The following RBFOX1 variants were observed in gnomAD, a reference collection of about 807,000 sequenced individuals.
RBFOX1 encodes RNA binding protein fox-1 homolog 1.
Under a neutral mutation model 57.7 loss-of-function variants are expected in RBFOX1, and 8 were observed. The observed-to-expected ratio is 0.14, with a 90% confidence interval of 0.08 to 0.25. RBFOX1 has a LOEUF of 0.25. Among genes scored for constraint, RBFOX1 ranks in the 10% least tolerant of loss-of-function variants. The pLI, the probability that RBFOX1 is intolerant of heterozygous loss-of-function variation, is 1.00. For missense variants in RBFOX1, 611 were observed against 548.5 expected, an observed-to-expected ratio of 1.11 and a Z score of -1.14; for synonymous variants, 326 against 222.4, an observed-to-expected ratio of 1.47 and a Z score of -4.15.
chr16:6,295,233 C>T (rs1016982822), intron 1 of RBFOX1, among the ~76,000 whole-genome samples: 2 of 151,462 alleles, frequency 1.3e-5, no homozygotes, highest in Admixed American at 6.6e-5. Flanking sequence ...AAGTGATTGT[C>T]GTGCCTCAGC....
chr16:5,293,588 G>T (rs1212245080), intron 1 of RBFOX1, among the ~76,000 whole-genome samples: 1 of 152,136 alleles, frequency 6.6e-6, no homozygotes, highest in Non-Finnish European at 1.5e-5. Context: ...CCATTGTATG[G>T]ATATAGCACA....
At chr16:7,417,110 C>CTG (rs2098485537) in intron 4 of RBFOX1, among the ~76,000 whole-genome samples, 1 of 151,974 alleles carries the variant, frequency 6.6e-6, no homozygotes, top group African/African-American at 2.4e-5. Context: ...TGGCTCACAC[C>CTG]TGTAATCCCA....
In RBFOX1 at chr16:5,671,571, C is replaced by G. The variant is rs144453386; in HGVS notation, c.318+72610C>G. ...TGGGTGTTATGAAATTCAAAACTGCCAAGTTTCTGGAGCATTTAGTGGTAA... is the reference window on the plus strand; with the variant it reads ...TGGGTGTTATGAAATTCAAAACTGCGAAGTTTCTGGAGCATTTAGTGGTAA... On this transcript the variant is annotated intron_variant, in intron 3 of 19. Transcript: ENST00000641259. Among the ~76,000 whole-genome samples the G allele has an allele frequency of 1.3e-4, 20 of 152,188 alleles. No homozygotes were observed. The East Asian group carries it at 3.9e-3, about 29-fold the overall frequency.
intron 3 of RBFOX1, among the ~76,000 whole-genome samples, chr16:6,716,197 T>C (rs1323341552): frequency 2.6e-5 from 4 of 152,232 alleles, no homozygotes; most frequent in East Asian, 1.9e-4. Flanking sequence ...TTTCTAATAA[T>C]GTTGTTTACA....
chr16:6,055,745 A>T (rs2095607366), intron 1 of RBFOX1, among the ~76,000 whole-genome samples: 1 of 152,178 alleles, frequency 6.6e-6, no homozygotes, highest in South Asian at 2.1e-4. Flanking sequence ...ACCCAGCACA[A>T]AGCTGGAGCA....
chr16:7,596,983 C>G (rs539105323), intron 8 of RBFOX1, among the ~76,000 whole-genome samples: 41 of 152,146 alleles, frequency 2.7e-4, no homozygotes, highest in Non-Finnish European at 7.4e-5. Flanking sequence ...TGTCTCTTCT[C>G]TCTTCTCCAC....
At chr16:6,921,920 G>A (rs1354519259) in intron 3 of RBFOX1, among the ~76,000 whole-genome samples, 1 of 151,990 alleles carries the variant, frequency 6.6e-6, no homozygotes, top group Non-Finnish European at 1.5e-5. Flanking sequence ...AGGAAGTCAG[G>A]GATCATTGGC....
intron 2 of RBFOX1, among the ~76,000 whole-genome samples, chr16:5,528,191 C>T (rs915130722): frequency 2.6e-5 from 4 of 152,124 alleles, no homozygotes; most frequent in Non-Finnish European, 4.4e-5. Flanking sequence ...GAGACATTCC[C>T]GTGAGCTTCC....
chr16:5,422,067 C>G (rs2067345789), intron 1 of RBFOX1, among the ~76,000 whole-genome samples: 1 of 152,282 alleles, frequency 6.6e-6, no homozygotes, highest in Non-Finnish European at 1.5e-5. Flanking sequence ...ATAACAAAAA[C>G]CTGTTGACTC....
intron 3 of RBFOX1, among the ~76,000 whole-genome samples, chr16:5,836,589 A>AATCTC (rs1182273153): frequency 6.6e-6 from 1 of 152,016 alleles, no homozygotes; most frequent in Non-Finnish European, 1.5e-5. Context: ...GCACATCTCA[A>AATCTC]ATCTCCATCT....
intron 1 of RBFOX1, among the ~76,000 whole-genome samples, chr16:5,436,875 T>C (rs2067933784): frequency 6.6e-6 from 1 of 152,218 alleles, no homozygotes; most frequent in Non-Finnish European, 1.5e-5. Context: ...CTTAAATTTT[T>C]GCCTTGAATA....
At chr16:6,144,265 A>G (rs2096741206) in intron 1 of RBFOX1, among the ~76,000 whole-genome samples, 1 of 152,180 alleles carries the variant, frequency 6.6e-6, no homozygotes, top group Non-Finnish European at 1.5e-5. Flanking sequence ...ATGATAATTT[A>G]TTAGGCATAT....
At chr16:6,880,004 T>C (rs891536928) in intron 3 of RBFOX1, among the ~76,000 whole-genome samples, 1 of 152,198 alleles carries the variant, frequency 6.6e-6, no homozygotes, top group Non-Finnish European at 1.5e-5. Context: ...ATAGTCTTAA[T>C]CTTTCATACT....
At chr16:7,070,979 G>A (rs1313494769) in intron 4 of RBFOX1, among the ~76,000 whole-genome samples, 1 of 152,138 alleles carries the variant, frequency 6.6e-6, no homozygotes, top group Non-Finnish European at 1.5e-5. Flanking sequence ...TTTGCCCAGA[G>A]TGGCATGTTG....
At chr16:7,694,735 A>G (rs1018861679) in intron 14 of RBFOX1, among the ~76,000 whole-genome samples, 2 of 152,178 alleles carry the variant, frequency 1.3e-5, no homozygotes, top group African/African-American at 4.8e-5. Flanking sequence ...TGTTCCTGCA[A>G]TACAAAAGTT....
intron 3 of RBFOX1, among the ~76,000 whole-genome samples, chr16:6,921,932 G>C (rs1597299467): frequency 6.6e-6 from 1 of 152,098 alleles, no homozygotes; most frequent in African/African-American, 2.4e-5. Flanking sequence ...ATCATTGGCA[G>C]TCACCTTAGC....
intron 13 of RBFOX1, among the ~76,000 whole-genome samples, 171 bp downstream of exon 13, chr16:7,665,139 T>C (rs1386051216): frequency 6.6e-6 from 1 of 152,186 alleles, no homozygotes; most frequent in Admixed American, 6.5e-5. Context: ...CTTGAACTTG[T>C]GGCAGACATC....
At chr16:5,418,907 A>G (rs1447203730) in intron 1 of RBFOX1, among the ~76,000 whole-genome samples, 2 of 152,192 alleles carry the variant, frequency 1.3e-5, no homozygotes, top group East Asian at 1.9e-4. Flanking sequence ...CAAGCAAACA[A>G]TGCAGGAAGG....
At chr16:5,521,090 T>A (rs72761064) in intron 2 of RBFOX1, among the ~76,000 whole-genome samples, 26,894 of 152,226 alleles carry the variant, frequency 0.18, 2,413 homozygotes, top group Middle Eastern at 0.32. Context: ...TCTGGAACTT[T>A]TATTTTATGA....
Sources: gnomAD v4.1 joint callset for allele counts (sites outside exome capture counted in the v4.1 genomes callset) on GRCh38, gnomAD v4.1.1 for gene constraint, MANE v1.5 for transcripts, NCBI Gene and HGNC (gene_info 2026-07-23, HGNC 2026-07-21) for gene names.